The following ERBB4 variants were observed in gnomAD, a reference collection of about 807,000 sequenced individuals.
The protein encoded by ERBB4 is receptor tyrosine-protein kinase erbB-4.
Under a neutral mutation model 158.0 loss-of-function variants are expected in ERBB4, and 42 were observed. That is an observed-to-expected ratio of 0.27 (90% CI 0.21 to 0.34). The LOEUF (loss-of-function observed/expected upper bound fraction) is 0.34. ERBB4 is among the 10% of genes least tolerant of loss of function. The pLI, the probability that ERBB4 is intolerant of heterozygous loss-of-function variation, is 1.00. For synonymous variants in ERBB4, 583 were observed against 558.7 expected (o/e 1.04, Z -0.61); for missense variants, 1,333 against 1,624.1 (o/e 0.82, Z 3.08).
At chr2:211,912,936 T>C (rs913647096) in intron 3 of ERBB4, among the ~76,000 whole-genome samples, 1 of 152,220 alleles carries the variant, frequency 6.6e-6, no homozygotes, top group Admixed American at 6.5e-5. Context: ...GGACTCTTTC[T>C]TTCTCCCTAT....
intron 20 of ERBB4, among the ~76,000 whole-genome samples, chr2:211,526,027 A>C (rs1009739371): frequency 6.6e-6 from 1 of 152,094 alleles, no homozygotes; most frequent in Admixed American, 6.5e-5. Flanking sequence ...GAAACTCGAC[A>C]CCCTGAAGGG....
intron 25 of ERBB4, 88 bp downstream of exon 25, chr2:211,420,353 A>G: frequency 1.1e-6 from 1 of 923,160 alleles, no homozygotes; most frequent in Non-Finnish European, 1.7e-6. Flanking sequence ...TGAGCTATAT[A>G]ATTATTTTGA....
chr2:212,169,001 GTATT>G (rs1421165184), intron 1 of ERBB4, among the ~76,000 whole-genome samples: 1 of 152,158 alleles, frequency 6.6e-6, no homozygotes, highest in Non-Finnish European at 1.5e-5. Context: ...AATAGATAAA[GTATT>G]TAAATTCTGA....
chr2:211,734,620 T>TA (rs34036811), intron 5 of ERBB4, among the ~76,000 whole-genome samples: 11,865 of 102,246 alleles, frequency 0.12, 2,320 homozygotes, highest in African/African-American at 0.41. Flanking sequence ...GCTGTAGCAT[T>TA]AAAAAAAAAA....
chr2:212,370,568 T>TGGG (rs2090050503), intron 1 of ERBB4, among the ~76,000 whole-genome samples: 1 of 152,170 alleles, frequency 6.6e-6, no homozygotes, highest in African/African-American at 2.4e-5. Flanking sequence ...TTTAAAAATT[T>TGGG]CCAGGGTGAT....
At chr2:211,630,231 T>A (rs868306714) in intron 17 of ERBB4, among the ~76,000 whole-genome samples, 71 of 152,102 alleles carry the variant, frequency 4.7e-4, no homozygotes, top group African/African-American at 1.6e-3. Context: ...ACAGATACTT[T>A]CCCCAATACA....
intron 21 of ERBB4, among the ~76,000 whole-genome samples, chr2:211,429,162 C>T (rs1229239222): frequency 6.6e-6 from 1 of 151,998 alleles, no homozygotes; most frequent in Non-Finnish European, 1.5e-5. Context: ...ACATCTAATA[C>T]ACATGCTTCT....
At chr2:212,148,770 G>A (rs1446133831) in intron 1 of ERBB4, among the ~76,000 whole-genome samples, 3 of 147,848 alleles carry the variant, frequency 2.0e-5, no homozygotes, top group Admixed American at 6.8e-5. Context: ...CAACCCAAAT[G>A]TCCAACAATG....
chr2:211,888,695 C>G (rs1004007947), intron 3 of ERBB4, among the ~76,000 whole-genome samples: 2 of 151,548 alleles, frequency 1.3e-5, no homozygotes, highest in African/African-American at 4.9e-5. Context: ...GGTGCGCGCA[C>G]CGTGCGCGAG....
intron 5 of ERBB4, among the ~76,000 whole-genome samples, chr2:211,741,504 A>G (rs565161539): frequency 6.7e-6 from 1 of 148,848 alleles, no homozygotes; most frequent in Admixed American, 6.7e-5. Context: ...CAGATGATAG[A>G]GAGAGAGAGA....
chr2:211,977,032 G>A (rs909870605), intron 2 of ERBB4, among the ~76,000 whole-genome samples: 2 of 152,184 alleles, frequency 1.3e-5, no homozygotes, highest in African/African-American at 4.8e-5. Flanking sequence ...TGGTATGATT[G>A]TCAATACAAT....
chr2:211,528,250 G>C (rs764554410), intron 20 of ERBB4, among the ~76,000 whole-genome samples: 1 of 152,032 alleles, frequency 6.6e-6, no homozygotes, highest in Admixed American at 6.5e-5. Flanking sequence ...AAAACTATAA[G>C]AGAAGACAAA....
chr2:211,493,590 C>T (rs772704221), intron 20 of ERBB4, among the ~76,000 whole-genome samples: 2 of 150,976 alleles, frequency 1.3e-5, no homozygotes, highest in South Asian at 2.1e-4. Flanking sequence ...AAAAAAAACA[C>T]CTTTGCATAG....
intron 1 of ERBB4, among the ~76,000 whole-genome samples, chr2:212,478,370 G>C (rs1197135519): frequency 6.6e-6 from 1 of 152,036 alleles, no homozygotes; most frequent in Non-Finnish European, 1.5e-5. Context: ...AGTACAACTA[G>C]ATTCTCTTTC....
At chr2:211,898,162 A>G (rs572858557) in intron 3 of ERBB4, among the ~76,000 whole-genome samples, 1 of 152,134 alleles carries the variant, frequency 6.6e-6, no homozygotes, top group African/African-American at 2.4e-5. Context: ...CCTAAAAAAG[A>G]TATTATAATA....
chr2:211,585,487 T>C (rs1247809251), intron 19 of ERBB4, among the ~76,000 whole-genome samples: 1 of 152,126 alleles, frequency 6.6e-6, no homozygotes, highest in African/African-American at 2.4e-5. Context: ...TGATAATTGA[T>C]AGCATAAATA....
chr2:211,434,326 G>A (rs2063805898), intron 20 of ERBB4, among the ~76,000 whole-genome samples: 1 of 152,116 alleles, frequency 6.6e-6, no homozygotes, highest in South Asian at 2.1e-4. Context: ...GTGTTAGGAG[G>A]TGGGGTCTTT....
Position 211,630,550 on chromosome 2 carries a change from A to G in ERBB4, c.1991T>C (p.Leu664Pro), listed in dbSNP as rs2125872966. ...AAGVIGGLFILVIVGLTFAVY... is the reference protein window; with the variant it reads ...AAGVIGGLFIPVIVGLTFAVY... ...AGCAAATGTCAGACCCACAATGACC[A>G]GAATGAAGAGCCCACCAATTACTCC... Residue 664 changes from leucine (L) to proline (P), a missense_variant, in exon 17 of 28, where the codon CTG becomes CCG. Leu to Pro is a moderately conservative substitution (Grantham distance 98, BLOSUM62 -3). Coordinates refer to ENST00000342788, the MANE Select transcript of ERBB4 (RefSeq NM_005235.3). 1.2e-6 allele frequency: 2 copies of G among 1,613,866 alleles called. No individual in the cohort carries two copies. Among genetic ancestry groups the G allele is most frequent in the Non-Finnish European group, 1.7e-6 (2 of 1,179,874 alleles).
In ERBB4 at chr2:211,383,220, T is replaced by C. The variant is rs1395052959; in HGVS notation, c.*395A>G. 2 of 279,012 alleles carry C rather than the reference T, an allele frequency of 7.2e-6. No homozygotes were observed. The highest frequency in any genetic ancestry group is 1.3e-5 in the Non-Finnish European group (2 of 150,338). 17.3% of individuals were successfully genotyped at this position (279,012 alleles called of 1,614,324 possible). A position where few individuals can be genotyped will look rare whatever the true frequency, so the allele number is the denominator to read the frequency against. ...TTCCTGCAGATAGGAACAGATAGCA[T>C]GGGTGTTTCAACCATCTGCTTTAAA... On this transcript the variant is annotated 3_prime_UTR_variant, in exon 28 of 28. Coordinates refer to ENST00000342788, the MANE Select transcript of ERBB4 (RefSeq NM_005235.3).
Sources: allele counts gnomAD v4.1 joint callset (sites outside exome capture counted in the v4.1 genomes callset), GRCh38; gene constraint gnomAD v4.1.1; transcripts MANE v1.5; gene names NCBI Gene and HGNC (gene_info 2026-07-23, HGNC 2026-07-21).